The following NUF2 variants were observed in gnomAD, a reference collection of about 807,000 sequenced individuals.
NUF2 encodes the protein NUF2 component of NDC80 kinetochore complex, also known as kinetochore protein Nuf2.
In NUF2, 34 loss-of-function variants were observed where a neutral mutation model predicts 61.8. That is an observed-to-expected ratio of 0.55 (90% CI 0.42 to 0.73). NUF2 has a LOEUF of 0.73. Among genes scored for constraint, NUF2 ranks in the 30% least tolerant of loss-of-function variants. The probability of loss-of-function intolerance (pLI) is 0.00; values close to 1 mark genes in which losing one functional copy is unlikely to be tolerated. For missense variants in NUF2, 445 were observed against 539.1 expected (o/e 0.83, Z 1.73); for synonymous variants, 172 against 181.6 (o/e 0.95, Z 0.42).
At chr1:163,330,796 T>C (rs563529569) in intron 5 of NUF2, among the ~76,000 whole-genome samples, 1 of 152,224 alleles carries the variant, frequency 6.6e-6, no homozygotes, top group East Asian at 1.9e-4. Flanking sequence ...TTTTGTTAAA[T>C]TTATGCCTAA....
chr1:163,340,487 T>A (rs1468679915), intron 9 of NUF2, 61 bp downstream of exon 9: 2 of 1,234,844 alleles, frequency 1.6e-6, no homozygotes, highest in Non-Finnish European at 2.3e-6. Context: ...GAGGAGTATT[T>A]TAGCTGTGTG....
intron 5 of NUF2, among the ~76,000 whole-genome samples, chr1:163,329,621 CTT>C (rs1650534921): frequency 6.6e-6 from 1 of 152,164 alleles, no homozygotes; most frequent in African/African-American, 2.4e-5. Context: ...GTGCCACACA[CTT>C]TTAAGTGACC....
chr1:163,325,920 A>G (rs1650401971), intron 1 of NUF2, 112 bp from the exon 2 acceptor site: 3 of 660,342 alleles, frequency 4.5e-6, no homozygotes, highest in Non-Finnish European at 7.8e-6. Flanking sequence ...ATGATAGTTA[A>G]CACTACTATG....
chr1:163,346,508 A>G (rs1389116940), intron 11 of NUF2, among the ~76,000 whole-genome samples: 2 of 152,098 alleles, frequency 1.3e-5, no homozygotes, highest in South Asian at 2.1e-4. Flanking sequence ...GTTGATGACT[A>G]AAGAGCAAGT....
At chr1:163,323,150 A>G (rs747394366) in intron 1 of NUF2, 17 of 152,338 alleles carry the variant, frequency 1.1e-4, no homozygotes, top group South Asian at 1.0e-3. Context: ...AAGTGTTTTT[A>G]TAAGGATTAA....
chr1:163,328,155 G>A (rs988667140), intron 3 of NUF2, 73 bp from the exon 4 acceptor site: 7 of 898,012 alleles, frequency 7.8e-6, no homozygotes, highest in Admixed American at 2.1e-5. Context: ...AATATATTTT[G>A]ATCTTGGTTG....
intron 3 of NUF2, 175 bp from the exon 4 acceptor site, chr1:163,328,053 G>A: frequency 2.2e-6 from 1 of 451,820 alleles, no homozygotes. Flanking sequence ...TCTTTATTAA[G>A]CACCTACTGT....
chr1:163,334,220 G>C (rs763641965), intron 5 of NUF2, among the ~76,000 whole-genome samples: 4 of 152,136 alleles, frequency 2.6e-5, no homozygotes, highest in Non-Finnish European at 5.9e-5. Context: ...ATCCTCCACT[G>C]ATTGACGCAG....
intron 8 of NUF2, 118 bp from the exon 9 acceptor site, chr1:163,340,246 A>C (rs550965304): frequency 4.0e-6 from 3 of 742,746 alleles, no homozygotes; most frequent in Non-Finnish European, 4.5e-6. Context: ...AGAAAGTTTG[A>C]AGAATATCTG....
Position 163,327,484 on chromosome 1 carries a change from G to A in NUF2, c.124-4G>A, listed in dbSNP as rs374022557. 28 of 1,595,236 alleles carry A rather than the reference G, an allele frequency of 1.8e-5. No individual in the cohort carries two copies. In the African/African-American group the frequency reaches 3.5e-4, roughly 20 times the overall value. Reference sequence around the variant, plus strand: ...GGAGTATTCAAAGTTGTTTTTTGCTGTAGCCTGAAGTCTTGCACATGATCT... The same window carrying A: ...GGAGTATTCAAAGTTGTTTTTTGCTATAGCCTGAAGTCTTGCACATGATCT... On this transcript the variant is annotated splice_polypyrimidine_tract_variant and splice_region_variant and intron_variant, in intron 2 of 13. Transcript: ENST00000271452.
chr1:163,322,528 A>C (rs907785583), intron 1 of NUF2, among the ~76,000 whole-genome samples: 9 of 152,264 alleles, frequency 5.9e-5, no homozygotes, highest in Non-Finnish European at 1.2e-4. Flanking sequence ...GGAAAAGAGC[A>C]GCGCATATAT....
chr1:163,339,621 A>G, intron 8 of NUF2, 144 bp downstream of exon 8: 3 of 595,090 alleles, frequency 5.0e-6, no homozygotes, highest in Middle Eastern at 3.4e-4. Context: ...TGCCCCTTAT[A>G]ATGGATACAT....
chr1:163,344,414 G>A (rs1363273266), intron 10 of NUF2, among the ~76,000 whole-genome samples: 1 of 151,600 alleles, frequency 6.6e-6, no homozygotes, highest in African/African-American at 2.4e-5. Context: ...TGGAAGTACA[G>A]GTGGAAGAGG....
chr1:163,353,551 T>C (rs1187207034), intron 13 of NUF2, among the ~76,000 whole-genome samples: 1 of 152,224 alleles, frequency 6.6e-6, no homozygotes, highest in African/African-American at 2.4e-5. Flanking sequence ...AGTAGCCACA[T>C]GTGTCTAGTG....
chr1:163,329,011 A>T (rs1228286854), intron 5 of NUF2, 104 bp downstream of exon 5: 2 of 563,702 alleles, frequency 3.5e-6, no homozygotes, highest in Non-Finnish European at 6.1e-6. Flanking sequence ...AACAACTTCA[A>T]GGAAATTGCC....
intron 13 of NUF2, 28 bp from the exon 14 acceptor site, chr1:163,355,307 T>G (rs1651451085): frequency 6.5e-7 from 1 of 1,550,116 alleles, no homozygotes; most frequent in African/African-American, 1.4e-5. Flanking sequence ...CATGGAATAA[T>G]TATTATTCTG....
At chr1:163,324,586 A>G (rs748468921) in intron 1 of NUF2, among the ~76,000 whole-genome samples, 5 of 152,218 alleles carry the variant, frequency 3.3e-5, no homozygotes, top group Non-Finnish European at 7.3e-5. Flanking sequence ...AAAATTGAAT[A>G]TATTCACATT....
At position 163,350,073 on chromosome 1, in the gene NUF2, G is replaced by A. The variant is rs537898682; in HGVS notation, c.1260+993G>A. Among the ~76,000 whole-genome samples the A allele has an allele frequency of 4.6e-5, 7 of 151,916 alleles. No homozygotes were observed. The East Asian group carries it at 1.4e-3, about 29-fold the overall frequency. ...TCCCAGCACTTTGGGAGGCCGAGGC[G>A]GGCGGATCACGAGGTCAGGAGATCG... On this transcript the variant is annotated intron_variant, in intron 13 of 13. Coordinates refer to ENST00000271452, the MANE Select transcript of NUF2 (RefSeq NM_145697.3).
chr1:163,333,697 T>C (rs1192304382), intron 5 of NUF2, among the ~76,000 whole-genome samples: 1 of 152,156 alleles, frequency 6.6e-6, no homozygotes, highest in African/African-American at 2.4e-5. Flanking sequence ...TAATATACTT[T>C]TATTTTCTCC....
Sources: allele counts gnomAD v4.1 joint callset (sites outside exome capture counted in the v4.1 genomes callset), GRCh38; gene constraint gnomAD v4.1.1; transcripts MANE v1.5; gene names NCBI Gene and HGNC (gene_info 2026-07-23, HGNC 2026-07-21).